ELP4: variants seen among roughly 807,000 people sequenced by gnomAD.
ELP4 encodes the protein elongator complex protein 4.
ELP4 carries 51 observed loss-of-function variants against 48.9 expected under a neutral mutation model. That is an observed-to-expected ratio of 1.04 (90% CI 0.83 to 1.32). The LOEUF (loss-of-function observed/expected upper bound fraction) is 1.32. Ranked by LOEUF, ELP4 falls within the 40% of genes most tolerant of loss-of-function variation. ELP4 has a pLI of 0.00. For missense variants in ELP4, 519 were observed against 514.6 expected (o/e 1.01, Z -0.08); for synonymous variants, 210 against 189.2 (o/e 1.11, Z -0.90).
chr11:31,627,093 ACTT>A lies in ELP4; in HGVS notation c.654-13_654-11del, dbSNP rs1944760432. 1.3e-6 allele frequency: 2 copies of A among 1,543,110 alleles called. No homozygotes were observed. Among genetic ancestry groups the A allele is most frequent in the Non-Finnish European group, 1.8e-6 (2 of 1,118,804 alleles). On this transcript the variant is annotated splice_polypyrimidine_tract_variant and intron_variant, in intron 5 of 9. Transcript: ENST00000640961. ...AATAACCCATTTATGTATTTGAACC[ACTT>A]CTTTTACCAACAGTTCTTTGACCCC...
rs138825510 is a variant in ELP4 at position 31,704,307 on chromosome 11, A to G, written c.1143+54086A>G. Reference sequence around the variant, plus strand: ...CTTTATTTCTTAAAACTATGCAGCCATAAAAAAGGATGAGTTCATGTCCTT... The same window carrying G: ...CTTTATTTCTTAAAACTATGCAGCCGTAAAAAAGGATGAGTTCATGTCCTT... On this transcript the variant is annotated intron_variant, in intron 9 of 9. Coordinates refer to ENST00000640961, the MANE Select transcript of ELP4 (RefSeq NM_019040.5). Among the ~76,000 whole-genome samples the G allele has an allele frequency of 6.9e-3, 1,053 of 152,300 alleles. 32 individuals are homozygous for G. The highest frequency in any genetic ancestry group is 0.061 in the Admixed American group (932 of 15,284).
intron 9 of ELP4, among the ~76,000 whole-genome samples, chr11:31,656,606 A>G (rs1355873605): frequency 6.6e-6 from 1 of 152,022 alleles, no homozygotes; most frequent in Non-Finnish European, 1.5e-5. Context: ...ATTCATAACT[A>G]AGTTACTCAG....
At chr11:31,625,776 A>C (rs1377743509) in intron 5 of ELP4, among the ~76,000 whole-genome samples, 1 of 151,810 alleles carries the variant, frequency 6.6e-6, no homozygotes, top group Non-Finnish European at 1.5e-5. Flanking sequence ...ATTAGAATTG[A>C]ATCTACTGCA....
At chr11:31,596,396 T>C (rs1391751484) in intron 4 of ELP4, among the ~76,000 whole-genome samples, 3 of 152,138 alleles carry the variant, frequency 2.0e-5, no homozygotes, top group African/African-American at 7.2e-5. Context: ...AGAGCAGGAC[T>C]CCGTCTCAAA....
At chr11:31,638,743 A>G (rs1383680927) in intron 7 of ELP4, among the ~76,000 whole-genome samples, 2 of 151,834 alleles carry the variant, frequency 1.3e-5, no homozygotes, top group South Asian at 2.1e-4. Context: ...TTTCACATCC[A>G]TAAACTTTTT....
At chr11:31,569,182 C>T (rs989102563) in intron 3 of ELP4, among the ~76,000 whole-genome samples, 4 of 152,074 alleles carry the variant, frequency 2.6e-5, no homozygotes, top group African/African-American at 9.7e-5. Context: ...CCCTTCTGGA[C>T]ATCAGCCTTG....
intron 7 of ELP4, among the ~76,000 whole-genome samples, chr11:31,643,511 G>GA (rs887060353): frequency 6.6e-6 from 1 of 151,738 alleles, no homozygotes; most frequent in Non-Finnish European, 1.5e-5. Flanking sequence ...TTAGTTTTGG[G>GA]AAAATAAGGA....
At chr11:31,566,592 C>T (rs898511447) in intron 3 of ELP4, among the ~76,000 whole-genome samples, 2 of 152,100 alleles carry the variant, frequency 1.3e-5, no homozygotes, top group Non-Finnish European at 2.9e-5. Flanking sequence ...ACACCATAAT[C>T]GGGTAAAATA....
At chr11:31,593,369 G>A (rs762709187) in intron 3 of ELP4, among the ~76,000 whole-genome samples, 1 of 151,866 alleles carries the variant, frequency 6.6e-6, no homozygotes, top group Non-Finnish European at 1.5e-5. Context: ...CCTCCCCTAA[G>A]TAGTTGGCAC....
intron 9 of ELP4, among the ~76,000 whole-genome samples, chr11:31,710,383 G>C (rs1946715386): frequency 6.6e-6 from 1 of 152,164 alleles, no homozygotes; most frequent in Non-Finnish European, 1.5e-5. Context: ...CCAACACTTT[G>C]GGAGGCCAAG....
chr11:31,789,932 T>TTA lies in ELP4; in HGVS notation c.*6409_*6410insAT. On this transcript the variant is annotated 3_prime_UTR_variant, in exon 10 of 10. Coordinates refer to ENST00000640961, the MANE Select transcript of ELP4 (RefSeq NM_019040.5). Reference sequence around the variant, plus strand: ...CTTTCCTTTTTTTTTTTTTTTTTTTTTTTACTGTAATCTTGGCCAGTATTG... The same window carrying TTA: ...CTTTCCTTTTTTTTTTTTTTTTTTTTTATTTACTGTAATCTTGGCCAGTATTG... 1 of 1,560,398 alleles carries TTA rather than the reference T, an allele frequency of 6.4e-7. No homozygotes were observed. Among genetic ancestry groups the TTA allele is most frequent in the Admixed American group, 1.8e-5 (1 of 54,672 alleles).
chr11:31,781,312 C>A lies in ELP4; in HGVS notation c.1144-2081C>A, dbSNP rs3026409. Among the ~76,000 whole-genome samples, 425 of 151,960 alleles carry A rather than the reference C, an allele frequency of 2.8e-3. 1 individual carries two copies. The highest frequency in any genetic ancestry group is 9.6e-3 in the African/African-American group (396 of 41,418). On this transcript the variant is annotated intron_variant, in intron 9 of 9. Transcript: ENST00000640961. ...CTTCAGATTATGCATGTATCCTGGT[C>A]ATTTTTCTTTTGCTCATTAGCAATA...
intron 4 of ELP4, among the ~76,000 whole-genome samples, chr11:31,600,944 A>G (rs1957769440): frequency 1.3e-5 from 2 of 152,124 alleles, no homozygotes; most frequent in South Asian, 4.1e-4. Context: ...TTTTAACATC[A>G]TAAATTTTTA....
At chr11:31,689,645 C>T (rs952288551) in intron 9 of ELP4, among the ~76,000 whole-genome samples, 1 of 152,046 alleles carries the variant, frequency 6.6e-6, no homozygotes, top group Non-Finnish European at 1.5e-5. Flanking sequence ...TCTGTGGCCA[C>T]TGACTTCCCA....
At chr11:31,546,355 CT>C (rs1212042809) in intron 3 of ELP4, among the ~76,000 whole-genome samples, 2 of 152,086 alleles carry the variant, frequency 1.3e-5, no homozygotes, top group Non-Finnish European at 2.9e-5. Context: ...ATAAAACAGA[CT>C]TTAAACCAAC....
rs1312143508 is a variant in ELP4, at chr11:31,790,129, T to C, written c.*6605T>C. 1 of 739,506 alleles carries C rather than the reference T, an allele frequency of 1.4e-6. No homozygotes were observed. The highest frequency in any genetic ancestry group is 1.8e-5 in the African/African-American group (1 of 54,278). The allele number at this position is 739,506 out of a possible 1,614,324, so 45.8% of individuals were successfully genotyped here. A position where few individuals can be genotyped will look rare whatever the true frequency, so the allele number is the denominator to read the frequency against. Reference sequence around the variant, plus strand: ...AAAAAAAAAAAAAAAAACTAATACTTTCTAACATTTTTTACTGTATTAAAA... The same window carrying C: ...AAAAAAAAAAAAAAAAACTAATACTCTCTAACATTTTTTACTGTATTAAAA... On this transcript the variant is annotated 3_prime_UTR_variant, in exon 10 of 10. Coordinates refer to ENST00000640961, the MANE Select transcript of ELP4 (RefSeq NM_019040.5).
At chr11:31,669,321 T>A (rs1414148561) in intron 9 of ELP4, among the ~76,000 whole-genome samples, 2 of 152,006 alleles carry the variant, frequency 1.3e-5, no homozygotes, top group East Asian at 3.9e-4. Context: ...CCTAACCTCG[T>A]CCGCCTGCCT....
At chr11:31,686,791 C>T (rs1353855237) in intron 9 of ELP4, among the ~76,000 whole-genome samples, 6 of 151,574 alleles carry the variant, frequency 4.0e-5, no homozygotes, top group Non-Finnish European at 8.8e-5. Context: ...ATCAATTGAG[C>T]TGGGGAGGTG....
chr11:31,528,272 T>C (rs1013612697), intron 2 of ELP4, among the ~76,000 whole-genome samples: 2 of 152,090 alleles, frequency 1.3e-5, no homozygotes, highest in Non-Finnish European at 2.9e-5. Flanking sequence ...AAATGAGTGA[T>C]TTGAAAGCCT....
Sources: allele counts gnomAD v4.1 joint callset (sites outside exome capture counted in the v4.1 genomes callset), GRCh38; gene constraint gnomAD v4.1.1; transcripts MANE v1.5; gene names NCBI Gene and HGNC (gene_info 2026-07-23, HGNC 2026-07-21).